Variants in RIMS2 observed in about 807,000 individuals in gnomAD.
RIMS2 encodes the protein regulating synaptic membrane exocytosis 2.
In RIMS2, 59 loss-of-function variants were observed where a neutral mutation model predicts 174.4. The observed-to-expected ratio is 0.34, with a 90% CI of 0.27 to 0.42. The LOEUF is 0.42. Ranked by LOEUF, RIMS2 falls within the 10% of genes least tolerant of loss-of-function variation. RIMS2 has a pLI of 1.00. For missense variants in RIMS2, 1,620 were observed against 1,666.3 expected (o/e 0.97, Z 0.48); for synonymous variants, 606 against 572.5 (o/e 1.06, Z -0.84).
chr8:103,594,699 T>C lies in RIMS2; in HGVS notation c.176+93637T>C, dbSNP rs140752660. ...TGGATGGCATATCCATAGATACTTA[T>C]GGAAATACAGGATATTAGTAAATTG... On this transcript the variant is annotated intron_variant, in intron 1 of 23. Coordinates refer to ENST00000504942, the Ensembl canonical transcript of RIMS2. Among the ~76,000 whole-genome samples, 294 of 151,940 alleles carry C rather than the reference T, an allele frequency of 1.9e-3. 2 individuals are homozygous for C. The highest frequency in any genetic ancestry group is 6.9e-3 in the African/African-American group (285 of 41,532).
At position 104,039,729 on chromosome 8, in the gene RIMS2, G is replaced by C. The variant is rs561393756; in HGVS notation, c.3334+25114G>C. On this transcript the variant is annotated intron_variant, in intron 19 of 23. Transcript: ENST00000504942. Reference sequence around the variant, plus strand: ...ACATACGAAAGTCGGCATTTGCCTAGGGTATTAATAAACTGTGATTATCCT... The same window carrying C: ...ACATACGAAAGTCGGCATTTGCCTACGGTATTAATAAACTGTGATTATCCT... Among the ~76,000 whole-genome samples, 5 of 151,776 alleles carry C rather than the reference G, an allele frequency of 3.3e-5. No homozygotes were observed. The East Asian group carries it at 9.7e-4, about 29-fold the overall frequency.
intron 19 of RIMS2, among the ~76,000 whole-genome samples, chr8:104,060,815 A>T (rs1197564460): frequency 6.6e-6 from 1 of 152,014 alleles, no homozygotes; most frequent in Non-Finnish European, 1.5e-5. Flanking sequence ...TTCTGCCTTC[A>T]TTTAGTTATG....
chr8:103,603,118 G>A (rs1451030640), intron 1 of RIMS2, among the ~76,000 whole-genome samples: 1 of 150,074 alleles, frequency 6.7e-6, no homozygotes, highest in Non-Finnish European at 1.5e-5. Context: ...TCTAGCATTA[G>A]GTATATCTCC....
intron 19 of RIMS2, among the ~76,000 whole-genome samples, chr8:104,034,982 A>T (rs932910781): frequency 6.6e-6 from 1 of 152,180 alleles, no homozygotes; most frequent in African/African-American, 2.4e-5. Context: ...GCTCCCTTAA[A>T]TTAGAAGTTC....
chr8:103,751,530 C>T (rs564410738), intron 2 of RIMS2, among the ~76,000 whole-genome samples: 3,977 of 151,782 alleles, frequency 0.026, 222 homozygotes, highest in African/African-American at 0.09. Context: ...ACACTGACTT[C>T]TACAATGGTT....
In RIMS2 at chr8:103,931,400, A is replaced by T. The variant is rs2079898537; in HGVS notation, c.2375+7A>T. Reference sequence around the variant, plus strand: ...ACTTTCTTCCAGACAGAAGGTAAGGATATAAAACAAAATAAATGTTCTGGA... The same window carrying T: ...ACTTTCTTCCAGACAGAAGGTAAGGTTATAAAACAAAATAAATGTTCTGGA... On this transcript the variant is annotated splice_region_variant and intron_variant, in intron 12 of 23. Transcript: ENST00000504942. 6.4e-7 allele frequency: 1 copy of T among 1,559,202 alleles called. No individual in the cohort carries two copies. Among genetic ancestry groups the T allele is most frequent in the African/African-American group, 1.4e-5 (1 of 72,240 alleles).
At chr8:103,751,765 A>G (rs976316251) in intron 2 of RIMS2, among the ~76,000 whole-genome samples, 1 of 150,536 alleles carries the variant, frequency 6.6e-6, no homozygotes, top group Non-Finnish European at 1.5e-5. Flanking sequence ...GTGTCTGTTC[A>G]TGTCCTTCGC....
chr8:104,155,400 C>T (rs1273700491), intron 19 of RIMS2, among the ~76,000 whole-genome samples: 3 of 142,356 alleles, frequency 2.1e-5, no homozygotes, highest in African/African-American at 5.3e-5. Flanking sequence ...GCCACCGCGC[C>T]CGGCCTTGCT....
chr8:103,603,582 C>G (rs1473296793), intron 1 of RIMS2, among the ~76,000 whole-genome samples: 3 of 152,010 alleles, frequency 2.0e-5, no homozygotes, highest in Non-Finnish European at 4.4e-5. Flanking sequence ...CATTGACTTC[C>G]ACAATGGTTG....
chr8:103,632,854 C>T (rs1342748402), intron 1 of RIMS2, among the ~76,000 whole-genome samples: 8 of 150,506 alleles, frequency 5.3e-5, no homozygotes, highest in African/African-American at 2.0e-4. Context: ...CTGCCTCAGC[C>T]TTCCGAGTAG....
chr8:103,820,476 A>G (rs1479912892), intron 3 of RIMS2, among the ~76,000 whole-genome samples: 1 of 152,024 alleles, frequency 6.6e-6, no homozygotes, highest in Non-Finnish European at 1.5e-5. Context: ...GGGAACTAAT[A>G]GTGCATAAAA....
chr8:104,053,120 T>C (rs1405731521), intron 19 of RIMS2, among the ~76,000 whole-genome samples: 1 of 152,194 alleles, frequency 6.6e-6, no homozygotes, highest in Non-Finnish European at 1.5e-5. Flanking sequence ...TTTTACAATA[T>C]CCATTTAGCT....
At chr8:104,182,825 A>G (rs2098947857) in intron 19 of RIMS2, among the ~76,000 whole-genome samples, 1 of 151,758 alleles carries the variant, frequency 6.6e-6, no homozygotes, top group Admixed American at 6.6e-5. Flanking sequence ...TCCTCTATGA[A>G]GTGAAGATAA....
intron 1 of RIMS2, among the ~76,000 whole-genome samples, chr8:103,551,471 TG>T (rs1429048250): frequency 2.0e-4 from 31 of 152,226 alleles, no homozygotes; most frequent in Admixed American, 2.0e-3. Context: ...GAGCTATTTT[TG>T]GCAAACTCAC....
chr8:103,862,399 T>C (rs567017582), intron 3 of RIMS2, among the ~76,000 whole-genome samples: 1 of 152,262 alleles, frequency 6.6e-6, no homozygotes, highest in East Asian at 1.9e-4. Flanking sequence ...TAATTTGAAG[T>C]CAGGTAATGT....
chr8:103,767,266 C>T (rs2098185381), intron 3 of RIMS2, among the ~76,000 whole-genome samples: 1 of 151,456 alleles, frequency 6.6e-6, no homozygotes, highest in African/African-American at 2.4e-5. Flanking sequence ...CGGCTCACTG[C>T]AATCCCTGCT....
chr8:103,669,730 A>G (rs1223352341), intron 1 of RIMS2, among the ~76,000 whole-genome samples: 1 of 152,262 alleles, frequency 6.6e-6, no homozygotes, highest in Non-Finnish European at 1.5e-5. Flanking sequence ...TCCAGGTCAC[A>G]CTGATGCAAG....
chr8:104,237,745 T>C (rs2099266194), intron 19 of RIMS2, among the ~76,000 whole-genome samples: 2 of 152,194 alleles, frequency 1.3e-5, no homozygotes, highest in African/African-American at 4.8e-5. Context: ...TTTGTTTTAA[T>C]TGTAAATGCA....
intron 22 of RIMS2, 33 bp from the exon 29 acceptor site, chr8:104,250,991 T>A (rs766281063): frequency 6.3e-7 from 1 of 1,596,610 alleles, no homozygotes; most frequent in Non-Finnish European, 8.6e-7. Context: ...CCATAGTTTA[T>A]TGCTCATTCT....
Sources: gnomAD v4.1 joint callset for allele counts (sites outside exome capture counted in the v4.1 genomes callset) on GRCh38, gnomAD v4.1.1 for gene constraint, MANE v1.5 for transcripts, NCBI Gene and HGNC (gene_info 2026-07-23, HGNC 2026-07-21) for gene names.